The following ACADSB variants were observed in gnomAD, a reference collection of about 807,000 sequenced individuals.
ACADSB encodes the protein acyl-CoA dehydrogenase short/branched chain.
ACADSB carries 40 observed loss-of-function variants against 54.1 expected under a neutral mutation model. The ratio of observed to expected loss-of-function variants is 0.74; its 90% CI spans 0.57 to 0.96. The LOEUF (loss-of-function observed/expected upper bound fraction) is 0.96. Among genes scored for constraint, ACADSB ranks in the 40% least tolerant of loss-of-function variants. ACADSB has a pLI of 0.00. For missense variants in ACADSB, 530 were observed against 510.4 expected (o/e 1.04, Z -0.37); for synonymous variants, 182 against 182.8 (o/e 1.00, Z 0.03).
At chr10:123,032,583 CTT>C (rs889911796) in intron 1 of ACADSB, among the ~76,000 whole-genome samples, 11,463 of 105,574 alleles carry the variant, frequency 0.11, 161 homozygotes, top group Middle Eastern at 0.17. Flanking sequence ...AATTTCCATT[CTT>C]TTTTTTTTTT....
chr10:123,047,302 T>C lies in ACADSB; in HGVS notation c.990+4T>C, dbSNP rs1387379650. On this transcript the variant is annotated splice_donor_region_variant and intron_variant, in intron 8 of 10. Coordinates refer to ENST00000358776, the MANE Select transcript of ACADSB (RefSeq NM_001609.4). Reference sequence around the variant, plus strand: ...CAAAAGACTATTTGATTTTCAGGTATGTAATTATTAGGGTCTTTCTGCTGT... The same window carrying C: ...CAAAAGACTATTTGATTTTCAGGTACGTAATTATTAGGGTCTTTCTGCTGT... 1 of 1,551,594 alleles carries C rather than the reference T, an allele frequency of 6.4e-7. No individual in the cohort carries two copies. The highest frequency in any genetic ancestry group is 1.7e-5 in the Admixed American group (1 of 59,920).
At position 123,013,402 on chromosome 10, in the gene ACADSB, C is replaced by T. The variant is rs565856270; in HGVS notation, c.42+4331C>T. On this transcript the variant is annotated intron_variant, in intron 1 of 10. Transcript: ENST00000358776. ...TCCCTTAGCTAGACACAAAGGTTCT[C>T]CAAGTCCCCACTAGACTCAGGAGCC... Among the ~76,000 whole-genome samples, 4 of 152,376 alleles carry T rather than the reference C, an allele frequency of 2.6e-5. No homozygotes were observed. In the East Asian group the frequency reaches 7.7e-4, roughly 29 times the overall value.
chr10:123,043,009 A>T (rs1286313989), intron 5 of ACADSB, 37 bp from the exon 6 acceptor site: 1 of 1,609,156 alleles, frequency 6.2e-7, no homozygotes, highest in African/African-American at 1.3e-5. Context: ...CGTTTTATAA[A>T]TCCAAGTGGT....
chr10:123,038,130 G>C, intron 3 of ACADSB, among the ~76,000 whole-genome samples: 1 of 152,164 alleles, frequency 6.6e-6, no homozygotes, highest in East Asian at 1.9e-4. Flanking sequence ...CCCTCCAGGG[G>C]ACATTGGGCA....
rs566151271 is a variant in ACADSB, at chr10:123,054,825, C to T, written c.*1060C>T. ...ATACAGTGTTGGATATTCTGTCATG[C>T]ACTATTTTTCAGTTGACAATTTCTG... On this transcript the variant is annotated 3_prime_UTR_variant, in exon 11 of 11. Transcript: ENST00000358776. The T allele has an allele frequency of 2.0e-5, 3 of 152,220 alleles. No homozygotes were observed. The East Asian group carries it at 5.8e-4, about 29-fold the overall frequency. 9.4% of individuals were successfully genotyped at this position (152,220 alleles called of 1,614,324 possible).
Position 123,040,576 on chromosome 10 carries a change from T to C in ACADSB, c.414T>C (p.Phe138=). The C allele has an allele frequency of 6.2e-7, 1 of 1,614,024 alleles. No homozygotes were observed. Among genetic ancestry groups the C allele is most frequent in the Non-Finnish European group, 8.5e-7 (1 of 1,179,936 alleles). The stretch of plus-strand genomic sequence containing the variant: ...AAGTTGATGCATCTGTGGCTGTCTT[T>C]TGTGAGATCCAGAACACATTAATTA... The part of the protein sequence containing the change: ...LAKVDASVAV[F]CEIQNTLINT... The change falls in exon 4 of 11, where the codon TTT becomes TTC. Residue 138 remains phenylalanine (F), a synonymous_variant. Transcript: ENST00000358776.
chr10:123,048,176 C>A (rs891168849), intron 8 of ACADSB, among the ~76,000 whole-genome samples: 4 of 152,220 alleles, frequency 2.6e-5, no homozygotes, highest in Non-Finnish European at 4.4e-5. Flanking sequence ...GCATTGCCAA[C>A]TGCATGTTGC....
intron 1 of ACADSB, among the ~76,000 whole-genome samples, chr10:123,011,766 C>T (rs1187742553): frequency 6.6e-6 from 1 of 151,950 alleles, no homozygotes; most frequent in African/African-American, 2.4e-5. Context: ...AAACTCCTAA[C>T]TTCATGATCC....
intron 1 of ACADSB, among the ~76,000 whole-genome samples, chr10:123,026,134 C>G (rs143606030): frequency 6.6e-4 from 101 of 152,136 alleles, no homozygotes; most frequent in African/African-American, 2.4e-3. Context: ...CAGATGGGCA[C>G]AAAAATTTAA....
intron 1 of ACADSB, among the ~76,000 whole-genome samples, chr10:123,032,830 C>T (rs1850345277): frequency 6.6e-6 from 1 of 152,044 alleles, no homozygotes; most frequent in Non-Finnish European, 1.5e-5. Context: ...CTCAGATGAT[C>T]CGCCCGCCTG....
chr10:123,023,534 C>A (rs945560980), intron 1 of ACADSB, among the ~76,000 whole-genome samples: 1 of 152,126 alleles, frequency 6.6e-6, no homozygotes, highest in African/African-American at 2.4e-5. Flanking sequence ...GAACTCTAGC[C>A]ATGAGATAGC....
intron 1 of ACADSB, among the ~76,000 whole-genome samples, chr10:123,025,466 AAAATAAAT>A (rs74899167): frequency 1.3e-5 from 2 of 150,270 alleles, no homozygotes; most frequent in African/African-American, 2.4e-5. Flanking sequence ...CCTGTCACGA[AAAATAAAT>A]AAATAAATAA....
rs147531541 is a variant in ACADSB at position 123,047,268 on chromosome 10, A to T, written c.960A>T (p.Ile320=). The T allele has an allele frequency of 1.9e-4, 309 of 1,606,544 alleles. No homozygotes were observed. The highest frequency in any genetic ancestry group is 2.5e-4 in the Non-Finnish European group (293 of 1,173,030). ...DYTIPYIKER[I]QFGKRLFDFQ... ...CTATTCCATATATTAAAGAAAGGAT[A>T]CAATTTGGCAAAAGACTATTTGATT... is the stretch of plus-strand genomic sequence containing the variant. The change falls in exon 8 of 11, where the codon ATA becomes ATT. Residue 320 remains isoleucine, a synonymous_variant. Transcript: ENST00000358776.
At chr10:123,027,326 T>C (rs990391822) in intron 1 of ACADSB, among the ~76,000 whole-genome samples, 1 of 152,206 alleles carries the variant, frequency 6.6e-6, no homozygotes, top group Non-Finnish European at 1.5e-5. Flanking sequence ...GCAGCTGATA[T>C]GATTTGGCTG....
rs1483052794 is a variant in ACADSB at position 123,052,083 on chromosome 10, G to A, written c.1128+897G>A. Among the ~76,000 whole-genome samples, 6 of 152,284 alleles carry A rather than the reference G, an allele frequency of 3.9e-5. No homozygotes were observed. The South Asian group carries it at 8.3e-4, about 21-fold the overall frequency. On this transcript the variant is annotated intron_variant, in intron 9 of 10. Transcript: ENST00000358776. The surrounding 1 kb of genome is among the most constrained non-coding windows in gnomAD (Gnocchi z 4.2). ...CTCTCCTTTTTCAAAGTGGCAGTGAGGCCATGTCACCTTCCAGCTTTAACC... is the reference window on the plus strand; with the variant it reads ...CTCTCCTTTTTCAAAGTGGCAGTGAAGCCATGTCACCTTCCAGCTTTAACC...
intron 1 of ACADSB, among the ~76,000 whole-genome samples, chr10:123,015,268 C>T (rs921470043): frequency 6.6e-6 from 1 of 152,258 alleles, no homozygotes; most frequent in Non-Finnish European, 1.5e-5. Flanking sequence ...ACCATAAAGA[C>T]ACTCTCCCTG....
chr10:123,033,405 T>G (rs1477775684), intron 1 of ACADSB, among the ~76,000 whole-genome samples: 2 of 151,558 alleles, frequency 1.3e-5, no homozygotes, highest in Non-Finnish European at 3.0e-5. Context: ...CAGCGTGTAA[T>G]CAAAACTACT....
intron 1 of ACADSB, among the ~76,000 whole-genome samples, chr10:123,010,898 G>A (rs964372346): frequency 3.9e-5 from 6 of 152,204 alleles, no homozygotes; most frequent in South Asian, 2.1e-4. Context: ...TACAGTCTGC[G>A]TGCAGATTCA....
chr10:123,047,550 C>G (rs965862789), intron 8 of ACADSB, among the ~76,000 whole-genome samples: 2 of 152,078 alleles, frequency 1.3e-5, no homozygotes. Flanking sequence ...AAGCTGTCTC[C>G]TCACTGCTTC....
Sources: gnomAD v4.1 joint callset for allele counts (sites outside exome capture counted in the v4.1 genomes callset) on GRCh38, gnomAD v4.1.1 for gene constraint, Gnocchi (gnomAD v3.1) non-coding constraint, MANE v1.5 for transcripts, NCBI Gene and HGNC (gene_info 2026-07-23, HGNC 2026-07-21) for gene names.